PLAGL1: variants seen among roughly 807,000 people sequenced by gnomAD.
PLAGL1 encodes the protein zinc finger protein PLAGL1.
In PLAGL1, 1 loss-of-function variant was observed where a neutral mutation model predicts 4.6. The ratio of observed to expected loss-of-function variants is 0.22; its 90% CI spans 0.08 to 1.03. The LOEUF is 1.03. Among genes scored for constraint, PLAGL1 ranks in the 50% least tolerant of loss-of-function variants. The pLI is 0.58. For missense variants in PLAGL1, 464 were observed against 570.4 expected (o/e 0.81, Z 1.90); for synonymous variants, 240 against 237.8 (o/e 1.01, Z -0.08).
chr6:143,957,807 CTAAA>C lies in PLAGL1; in HGVS notation c.-325+2658_-325+2661del, dbSNP rs766093004. 1.4e-4 allele frequency among the ~76,000 whole-genome samples: 21 copies of C among 152,164 alleles called. No individual in the cohort carries two copies. The highest frequency in any genetic ancestry group is 7.7e-4 in the East Asian group (4 of 5,198). ...TGTTTGATCCTAAAATAACATATCA[CTAAA>C]TAAACAGAAAAAGGCCTTGAAGTAC... On this transcript the variant is annotated intron_variant, in intron 6 of 7. Coordinates refer to ENST00000674357, the MANE Select transcript of PLAGL1 (RefSeq NM_001317162.2). The surrounding 1 kb of genome is among the most constrained non-coding windows in gnomAD (Gnocchi z 4.2).
intron 1 of PLAGL1, among the ~76,000 whole-genome samples, chr6:144,029,992 G>A (rs1796676836): frequency 1.3e-5 from 2 of 152,074 alleles, no homozygotes; most frequent in Non-Finnish European, 2.9e-5. Flanking sequence ...GGTGGCTCAC[G>A]CCTGTAATCC....
At chr6:144,035,834 G>A (rs1430841983) in intron 1 of PLAGL1, among the ~76,000 whole-genome samples, 1 of 152,036 alleles carries the variant, frequency 6.6e-6, no homozygotes, top group Non-Finnish European at 1.5e-5. Flanking sequence ...TCATATGGTT[G>A]ATGAGAAAAA....
Position 143,955,219 on chromosome 6 carries a change from C to T in PLAGL1, c.-325+5250G>A, listed in dbSNP as rs1028648018. The stretch of plus-strand genomic sequence containing the variant: ...ACAGAGAAGTAAAAGTTGAAGCTAG[C>T]GTAGAAGTTTACAACGTGTTCAAGA... On this transcript the variant is annotated intron_variant, in intron 6 of 7. Transcript: ENST00000674357. The surrounding 1 kb of genome is among the most constrained non-coding windows in gnomAD (Gnocchi z 4.9). Among the ~76,000 whole-genome samples, 2 of 152,156 alleles carry T rather than the reference C, an allele frequency of 1.3e-5. No homozygotes were observed. Among genetic ancestry groups the T allele is most frequent in the African/African-American group, 2.4e-5 (1 of 41,430 alleles).
chr6:143,943,620 CCT>C (rs1318565255), intron 7 of PLAGL1, among the ~76,000 whole-genome samples: 1 of 151,520 alleles, frequency 6.6e-6, no homozygotes, highest in Non-Finnish European at 1.5e-5. Context: ...TCAAATTTTC[CCT>C]CTAAGACACC....
At chr6:144,047,782 CCT>C (rs771888081) in intron 1 of PLAGL1, among the ~76,000 whole-genome samples, 98 of 152,220 alleles carry the variant, frequency 6.4e-4, no homozygotes, top group African/African-American at 2.3e-3. Context: ...TCATTCTGCC[CCT>C]GACACCCCCA....
In PLAGL1 at chr6:143,942,374, G is replaced by A; in HGVS notation, c.442C>T (p.Pro148Ser). ...TGCTTCTTTTCCTTGGTTCCGCTAG[G>A]GGGCTTCTCTTCCGCATGGGCTTTG... ...HLKAHAEEKP[P>S]SGTKEKKHQC... Residue 148 changes from proline (P) to serine (S), a missense_variant, in exon 8 of 8, where the codon CCT (proline) becomes TCT (serine). By Grantham distance (74) the Pro-to-Ser change is moderately conservative. Coordinates refer to ENST00000674357, the MANE Select transcript of PLAGL1 (RefSeq NM_001317162.2). The surrounding 1 kb of genome is among the most constrained non-coding windows in gnomAD (Gnocchi z 7.6). 1.2e-6 allele frequency: 2 copies of A among 1,614,116 alleles called. No homozygotes were observed. The highest frequency in any genetic ancestry group is 2.2e-5 in the East Asian group (1 of 44,880).
intron 1 of PLAGL1, among the ~76,000 whole-genome samples, chr6:144,060,117 A>G (rs570493552): frequency 5.5e-4 from 83 of 151,850 alleles, no homozygotes; most frequent in African/African-American, 1.8e-3. Flanking sequence ...GTGTGATCAC[A>G]GCTCACTGCA....
At position 144,055,421 on chromosome 6, in the gene PLAGL1, T is replaced by C. The variant is rs1005937168; in HGVS notation, c.-151+9047A>G. On this transcript the variant is annotated intron_variant, in intron 1 of 3. Coordinates refer to the PLAGL1 transcript ENST00000437412. This position sits in a 1 kb window ranked among gnomAD's most constrained non-coding sequence, Gnocchi z 5.0. ...AACATGATGAATTTTATTATACAGA[T>C]GAGGCTTATGGTTTAAATGGAGGTT... is the stretch of plus-strand genomic sequence containing the variant. Among the ~76,000 whole-genome samples the C allele has an allele frequency of 1.3e-5, 2 of 152,260 alleles. No homozygotes were observed. The highest frequency in any genetic ancestry group is 4.8e-5 in the African/African-American group (2 of 41,464).
chr6:144,028,975 A>G (rs990241750), intron 1 of PLAGL1, among the ~76,000 whole-genome samples: 4 of 152,210 alleles, frequency 2.6e-5, no homozygotes, highest in Non-Finnish European at 4.4e-5. Context: ...TGGAATAATT[A>G]CAGTATTGAT....
rs1785268287 is a variant in PLAGL1, at chr6:143,970,752, ATTC to A, written c.-543-1777_-543-1775del. Among the ~76,000 whole-genome samples the A allele has an allele frequency of 6.6e-6, 1 of 152,182 alleles. No individual in the cohort carries two copies. Among genetic ancestry groups the A allele is most frequent in the Admixed American group, 6.5e-5 (1 of 15,272 alleles). On this transcript the variant is annotated intron_variant, in intron 2 of 7. Coordinates refer to ENST00000674357, the MANE Select transcript of PLAGL1 (RefSeq NM_001317162.2). The surrounding 1 kb of genome is among the most constrained non-coding windows in gnomAD (Gnocchi z 5.8). ...GAGGGTTTCTCTTAAGTTACTTGAA[ATTC>A]TTCTTCTTGGATATTACAGCAGTCT...
Position 143,941,755 on chromosome 6 carries a change from C to T in PLAGL1, c.1061G>A (p.Gly354Glu), listed in dbSNP as rs773466984. 2.5e-6 allele frequency: 4 copies of T among 1,614,250 alleles called. No homozygotes were observed. The highest frequency in any genetic ancestry group is 3.4e-6 in the Non-Finnish European group (4 of 1,180,044). ...GGGCAGGTTTACTTTACCAGCATTT[C>T]CCTTAGCCAGATCAAAACCTGGGTT... is the stretch of plus-strand genomic sequence containing the variant. ...KLNPGFDLAK[G>E]NAGKVNLPKE... The change falls in exon 8 of 8, where the codon GGA (glycine) becomes GAA (glutamate). Residue 354 changes from glycine to glutamate, a missense_variant. Coordinates refer to ENST00000674357, the MANE Select transcript of PLAGL1 (RefSeq NM_001317162.2). The surrounding 1 kb of genome is among the most constrained non-coding windows in gnomAD (Gnocchi z 6.0).
At chr6:144,046,914 TC>T (rs1180839525) in intron 1 of PLAGL1, among the ~76,000 whole-genome samples, 1 of 151,984 alleles carries the variant, frequency 6.6e-6, no homozygotes, top group East Asian at 1.9e-4. Flanking sequence ...CGGACACCCC[TC>T]CCCCAGCCAG....
rs1302276171 is a variant in PLAGL1 at position 143,979,152 on chromosome 6, T to C, written c.-544+5983A>G. 6.6e-6 allele frequency among the ~76,000 whole-genome samples: 1 copy of C among 152,180 alleles called. No homozygotes were observed. Among genetic ancestry groups the C allele is most frequent in the East Asian group, 1.9e-4 (1 of 5,208 alleles). On this transcript the variant is annotated intron_variant, in intron 2 of 7. Transcript: ENST00000674357. This position sits in a 1 kb window ranked among gnomAD's most constrained non-coding sequence, Gnocchi z 4.6. ...GATATTTTTTTCATCCGTTAGCTTA[T>C]AATCTATTTGTGTCTTTACACATGA...
chr6:144,062,380 C>CAAA (rs60916927), intron 1 of PLAGL1, among the ~76,000 whole-genome samples: 2 of 85,948 alleles, frequency 2.3e-5, no homozygotes, highest in Admixed American at 1.2e-4. Context: ...CCGTCTCAAA[C>CAAA]AAAAAAAAAA....
Position 144,063,981 on chromosome 6 carries a change from G to T in PLAGL1, c.-151+487C>A, listed in dbSNP as rs1198078686. Among the ~76,000 whole-genome samples, 1 of 152,166 alleles carries T rather than the reference G, an allele frequency of 6.6e-6. No homozygotes were observed. The highest frequency in any genetic ancestry group is 1.9e-4 in the East Asian group (1 of 5,174). On this transcript the variant is annotated intron_variant, in intron 1 of 3. Transcript: ENST00000437412. This position sits in a 1 kb window ranked among gnomAD's most constrained non-coding sequence, Gnocchi z 5.7. ...AGTCTCTGGGAGACGGGCTAAGCTG[G>T]CACTTGAGATTCTCCCGTTGGGGTG...
In PLAGL1 at chr6:144,027,292, A is replaced by AAAGAAAAAGT. The variant is rs752733300; in HGVS notation, c.-151+37175_-151+37176insACTTTTTCTT. Among the ~76,000 whole-genome samples the AAAGAAAAAGT allele has an allele frequency of 0.016, 2,241 of 141,880 alleles. 44 individuals carry two copies. The highest frequency in any genetic ancestry group is 0.022 in the Admixed American group (293 of 13,416). The allele number at this position is 141,880 out of a possible 152,430, so 93.1% of individuals were successfully genotyped here. On this transcript the variant is annotated intron_variant, in intron 1 of 3. Transcript: ENST00000437412. This position sits in a 1 kb window ranked among gnomAD's most constrained non-coding sequence, Gnocchi z 5.8. ...GAAAGAAAGAAAGAAAGAAAGAAAG[A>AAAGAAAAAGT]AAGTTATTTGATCTGAAGTACAATG...
intron 3 of PLAGL1, chr6:143,967,316 T>G (rs917386202): frequency 6.6e-6 from 1 of 152,186 alleles, no homozygotes; most frequent in African/African-American, 2.4e-5. Flanking sequence ...AGGGCCAATT[T>G]TACACGATGG....
intron 1 of PLAGL1, among the ~76,000 whole-genome samples, chr6:144,031,134 C>T (rs1298650897): frequency 6.6e-6 from 1 of 152,092 alleles, no homozygotes; most frequent in East Asian, 1.9e-4. Context: ...GCTTGTTGGC[C>T]ATTTGTATAT....
chr6:143,987,135 G>A (rs556125910), intron 1 of PLAGL1, among the ~76,000 whole-genome samples: 3 of 152,126 alleles, frequency 2.0e-5, no homozygotes, highest in East Asian at 1.9e-4. Context: ...TACATCTTAC[G>A]AGATTTCTAG....
Sources: allele counts gnomAD v4.1 joint callset (sites outside exome capture counted in the v4.1 genomes callset), GRCh38; gene constraint gnomAD v4.1.1; non-coding constraint Gnocchi (gnomAD v3.1); transcripts MANE v1.5; gene names NCBI Gene and HGNC (gene_info 2026-07-23, HGNC 2026-07-21).